The following ITK variants were observed in gnomAD, a reference collection of about 807,000 sequenced individuals.
The protein encoded by ITK is tyrosine-protein kinase ITK/TSK.
Under a neutral mutation model 87.6 loss-of-function variants are expected in ITK, and 45 were observed. The observed-to-expected ratio is 0.51, with a 90% CI of 0.40 to 0.66. ITK has a LOEUF of 0.66. Among genes scored for constraint, ITK ranks in the 30% least tolerant of loss-of-function variants. The probability of loss-of-function intolerance (pLI) is 0.00; values close to 1 mark genes in which losing one functional copy is unlikely to be tolerated. For missense variants in ITK, 605 were observed against 766.3 expected, an observed-to-expected ratio of 0.79 and a Z score of 2.48; for synonymous variants, 303 against 273.6, an observed-to-expected ratio of 1.11 and a Z score of -1.06.
At chr5:157,244,061 TCA>T (rs1754969541) in intron 12 of ITK, 199 bp from the exon 13 acceptor site, 4 of 680,020 alleles carry the variant, frequency 5.9e-6, no homozygotes, top group Admixed American at 4.2e-5. Flanking sequence ...CTGCTCATCT[TCA>T]CACACACAGC....
At chr5:157,241,874 T>G (rs1386320344) in intron 11 of ITK, among the ~76,000 whole-genome samples, 154 bp downstream of exon 11, 2 of 152,226 alleles carry the variant, frequency 1.3e-5, no homozygotes, top group Non-Finnish European at 2.9e-5. Context: ...TAATGAATAT[T>G]TACATTGTGT....
At chr5:157,206,454 A>G (rs541563045) in intron 1 of ITK, among the ~76,000 whole-genome samples, 120 of 152,312 alleles carry the variant, frequency 7.9e-4, no homozygotes, top group African/African-American at 2.7e-3. Flanking sequence ...TGGTTTCAGT[A>G]GGAATTACAT....
In ITK at chr5:157,248,957, C is replaced by T. The variant is rs34482255; in HGVS notation, c.1741C>T (p.Arg581Trp). The T allele has an allele frequency of 3.9e-4, 637 of 1,613,884 alleles. 3 individuals carry two copies. In the East Asian group the frequency reaches 4.5e-3, roughly 11 times the overall value. ...TACCGGATTTCGGTTGTACAAGCCC[C>T]GGCTGGCCTCCACACACGTCTACCA... ...ISTGFRLYKP[R>W]LASTHVYQIM... Residue 581 changes from arginine (R) to tryptophan (W), a missense_variant, in exon 16 of 17, where the codon CGG becomes TGG. Around this residue, in one of 3 missense-constraint regions of ITK, gnomAD observed 71 missense variants for 65.8 expected, o/e 1.08. Transcript: ENST00000422843.
chr5:157,205,482 G>A (rs1400257288), intron 1 of ITK, among the ~76,000 whole-genome samples: 2 of 152,058 alleles, frequency 1.3e-5, no homozygotes, highest in African/African-American at 4.8e-5. Flanking sequence ...TTTTTTAAAA[G>A]ACATTTGTTT....
intron 2 of ITK, among the ~76,000 whole-genome samples, chr5:157,210,899 A>G (rs957795431): frequency 2.0e-4 from 31 of 152,060 alleles, no homozygotes; most frequent in African/African-American, 7.2e-4. Flanking sequence ...AACTATTTCA[A>G]AATAAGAAGT....
intron 6 of ITK, among the ~76,000 whole-genome samples, chr5:157,226,619 G>T (rs960312483): frequency 2.6e-5 from 4 of 152,132 alleles, no homozygotes; most frequent in African/African-American, 9.7e-5. Flanking sequence ...TAAAATATAA[G>T]ATGATCATCC....
intron 6 of ITK, chr5:157,224,217 GA>G (rs1754484905): frequency 3.3e-5 from 5 of 151,912 alleles, no homozygotes; most frequent in Admixed American, 2.6e-4. Flanking sequence ...CCAGGAGGGA[GA>G]GGTTGCAGTG....
At chr5:157,239,517 A>AT (rs11431762) in intron 9 of ITK, among the ~76,000 whole-genome samples, 107,443 of 151,956 alleles carry the variant, frequency 0.71, 38,504 homozygotes, top group East Asian at 0.98. Flanking sequence ...CATAAAACAC[A>AT]TGTTTCTAGC....
At chr5:157,220,407 C>A (rs953378151) in intron 5 of ITK, among the ~76,000 whole-genome samples, 1 of 152,184 alleles carries the variant, frequency 6.6e-6, no homozygotes, top group Non-Finnish European at 1.5e-5. Flanking sequence ...CAACCCAGGG[C>A]TTGCTGAGGG....
At position 157,254,529 on chromosome 5, in the gene ITK, T is replaced by C. The variant is rs1372490902; in HGVS notation, c.*1851T>C. On this transcript the variant is annotated 3_prime_UTR_variant, in exon 17 of 17. Transcript: ENST00000422843. ...AGAGGATGGTGTTGCAATTGGCTCT[T>C]TCTAAATCATGTGACGTTTTGACTG... 4.5e-6 allele frequency: 1 copy of C among 221,216 alleles called. No individual in the cohort carries two copies. Among genetic ancestry groups the C allele is most frequent in the African/African-American group, 2.2e-5 (1 of 44,650 alleles). 13.7% of individuals were successfully genotyped at this position (221,216 alleles called of 1,614,324 possible).
At chr5:157,218,473 C>T (rs1379852750) in intron 5 of ITK, among the ~76,000 whole-genome samples, 1 of 144,144 alleles carries the variant, frequency 6.9e-6, no homozygotes, top group Non-Finnish European at 1.5e-5. Flanking sequence ...TGTGCCACTG[C>T]ACTTCAACCC....
chr5:157,189,892 A>G (rs528047636), intron 1 of ITK, among the ~76,000 whole-genome samples: 1 of 152,340 alleles, frequency 6.6e-6, no homozygotes, highest in Admixed American at 6.5e-5. Flanking sequence ...TCATCAGTGA[A>G]TTATGAGGCC....
chr5:157,225,682 A>G (rs1754517340), intron 6 of ITK, among the ~76,000 whole-genome samples: 1 of 151,694 alleles, frequency 6.6e-6, no homozygotes, highest in Non-Finnish European at 1.5e-5. Context: ...ACAGACCCCA[A>G]CTCCCCTCGT....
chr5:157,201,753 A>C (rs1753980823), intron 1 of ITK, among the ~76,000 whole-genome samples: 1 of 150,674 alleles, frequency 6.6e-6, no homozygotes, highest in Non-Finnish European at 1.5e-5. Context: ...AAAAAAAAAA[A>C]AATTGTAAGG....
chr5:157,233,591 G>A (rs1053346240), intron 8 of ITK, among the ~76,000 whole-genome samples: 3 of 152,120 alleles, frequency 2.0e-5, no homozygotes, highest in Non-Finnish European at 1.5e-5. Context: ...TAGTTCCCGG[G>A]AATCTGTACT....
chr5:157,199,936 C>T (rs1263180645), intron 1 of ITK, among the ~76,000 whole-genome samples: 3 of 152,110 alleles, frequency 2.0e-5, no homozygotes, highest in Non-Finnish European at 4.4e-5. Context: ...TATGGGAAAC[C>T]TGATGCTGAC....
intron 15 of ITK, among the ~76,000 whole-genome samples, chr5:157,247,935 T>A (rs1220921027): frequency 6.6e-6 from 1 of 152,158 alleles, no homozygotes; most frequent in Non-Finnish European, 1.5e-5. Flanking sequence ...TTCAAAAAAA[T>A]TTTCACTAAA....
intron 1 of ITK, among the ~76,000 whole-genome samples, chr5:157,200,530 G>A (rs72807052): frequency 0.11 from 16,800 of 152,014 alleles, 1,188 homozygotes; most frequent in Middle Eastern, 0.2. Context: ...GCCACCCCCC[G>A]GGGACCAACT....
Position 157,228,312 on chromosome 5 carries a change from C to T in ITK, c.664C>T (p.Pro222Ser), listed in dbSNP as rs1011366840. The change falls in exon 7 of 17, where the codon CCA becomes TCA. Residue 222 changes from proline to serine, a missense_variant. Around this residue, in one of 3 missense-constraint regions of ITK, gnomAD observed 464 missense variants for 578.0 expected, o/e 0.80. Coordinates refer to ENST00000422843, the MANE Select transcript of ITK (RefSeq NM_005546.4). ...QDRNGHEGYVPSSYLVEKSPN... is the reference protein window; with the variant it reads ...QDRNGHEGYVSSSYLVEKSPN... ...TTTTAACAGGCATGAAGGATATGTA[C>T]CAAGCAGTTATCTGGTGGAAAAATC... 2 of 1,601,602 alleles carry T rather than the reference C, an allele frequency of 1.2e-6. No individual in the cohort carries two copies. Among genetic ancestry groups the T allele is most frequent in the Non-Finnish European group, 1.7e-6 (2 of 1,168,976 alleles).
Sources: allele counts gnomAD v4.1 joint callset (sites outside exome capture counted in the v4.1 genomes callset), GRCh38; gene constraint gnomAD v4.1.1; regional missense constraint gnomAD v4.1.1; transcripts MANE v1.5; gene names NCBI Gene and HGNC (gene_info 2026-07-23, HGNC 2026-07-21).